Variants in ZMAT4 observed in about 807,000 individuals in gnomAD.
ZMAT4 encodes the protein zinc finger matrin-type protein 4.
ZMAT4 carries 17 observed loss-of-function variants against 28.7 expected under a neutral mutation model. The ratio of observed to expected loss-of-function variants is 0.59; its 90% CI spans 0.41 to 0.89. The LOEUF (loss-of-function observed/expected upper bound fraction) is 0.89. Among genes scored for constraint, ZMAT4 ranks in the 40% least tolerant of loss-of-function variants. The pLI is 0.00. For missense variants in ZMAT4, 240 were observed against 283.8 expected (o/e 0.85, Z 1.11); for synonymous variants, 117 against 109.2 (o/e 1.07, Z -0.44).
chr8:40,589,569 T>C (rs1446267795), intron 5 of ZMAT4, among the ~76,000 whole-genome samples: 1 of 152,290 alleles, frequency 6.6e-6, no homozygotes, highest in African/African-American at 2.4e-5. Context: ...CTTAAAGGTT[T>C]GAAGAAACCA....
chr8:40,781,427 G>A (rs976069073), intron 2 of ZMAT4, among the ~76,000 whole-genome samples: 4 of 152,072 alleles, frequency 2.6e-5, no homozygotes, highest in African/African-American at 4.8e-5. Flanking sequence ...GGGTGGTACC[G>A]GCATAAAGAT....
At chr8:40,743,637 C>G (rs1812102699) in intron 3 of ZMAT4, among the ~76,000 whole-genome samples, 1 of 152,222 alleles carries the variant, frequency 6.6e-6, no homozygotes, top group African/African-American at 2.4e-5. Context: ...TGGCTCCTCA[C>G]AGAGAGTTGG....
At chr8:40,613,555 C>A (rs1805884354) in intron 5 of ZMAT4, among the ~76,000 whole-genome samples, 1 of 152,082 alleles carries the variant, frequency 6.6e-6, no homozygotes, top group Non-Finnish European at 1.5e-5. Context: ...CTACTTTATT[C>A]AGGTTTGGAT....
chr8:40,848,351 T>C (rs1426617972), intron 1 of ZMAT4, among the ~76,000 whole-genome samples: 1 of 152,236 alleles, frequency 6.6e-6, no homozygotes, highest in Non-Finnish European at 1.5e-5. Context: ...ATTTTTAGTG[T>C]GATGATTCTC....
intron 6 of ZMAT4, among the ~76,000 whole-genome samples, chr8:40,552,024 T>C (rs1163139597): frequency 2.0e-5 from 3 of 152,180 alleles, no homozygotes; most frequent in African/African-American, 7.2e-5. Context: ...GCTCAACAAA[T>C]GCCGGCTGAA....
intron 2 of ZMAT4, among the ~76,000 whole-genome samples, chr8:40,789,325 T>A (rs1814228057): frequency 6.6e-6 from 1 of 152,180 alleles, no homozygotes; most frequent in African/African-American, 2.4e-5. Context: ...CCAAGATGAA[T>A]TAGGCAAACG....
intron 4 of ZMAT4, among the ~76,000 whole-genome samples, chr8:40,686,502 T>G (rs1252172874): frequency 6.6e-6 from 1 of 151,998 alleles, no homozygotes; most frequent in Non-Finnish European, 1.5e-5. Context: ...GGCATAGTGA[T>G]GCACGTCTGT....
chr8:40,640,815 C>T (rs558402229), intron 5 of ZMAT4, among the ~76,000 whole-genome samples: 23 of 151,688 alleles, frequency 1.5e-4, no homozygotes, highest in South Asian at 4.2e-4. Context: ...CAAAAATTAG[C>T]GGGCATGGTG....
In ZMAT4 at chr8:40,674,885, C is replaced by T. The variant is rs375393477; in HGVS notation, c.396G>A (p.Pro132=). 12 of 1,613,276 alleles carry T rather than the reference C, an allele frequency of 7.4e-6. No individual in the cohort carries two copies. Among genetic ancestry groups the T allele is most frequent in the African/African-American group, 5.3e-5 (4 of 74,876 alleles). Residue 132 remains proline, a synonymous_variant, in exon 5 of 7, where the codon CCG becomes CCA. Coordinates refer to ENST00000297737, the MANE Select transcript of ZMAT4 (RefSeq NM_024645.3). The part of the protein sequence containing the change: ...PLKPPRMDTA[P]VVASPYQRRD... Reference sequence around the variant, plus strand: ...TTCTTTGATAGGGAGATGCGACCACCGGAGCAGTGTCCATCCGTGGGGGCT... The same window carrying T: ...TTCTTTGATAGGGAGATGCGACCACTGGAGCAGTGTCCATCCGTGGGGGCT...
chr8:40,792,490 AG>A (rs775680138), intron 2 of ZMAT4, among the ~76,000 whole-genome samples: 4,431 of 21,602 alleles, frequency 0.21, 425 homozygotes, highest in East Asian at 0.51. Flanking sequence ...GAAGGAAGGA[AG>A]GAAGGAAGGA....
chr8:40,610,733 TA>T (rs552382578), intron 5 of ZMAT4, among the ~76,000 whole-genome samples: 3 of 149,750 alleles, frequency 2.0e-5, no homozygotes, highest in African/African-American at 4.9e-5. Flanking sequence ...CTTGAGACTG[TA>T]AAAAAAAAGA....
intron 4 of ZMAT4, among the ~76,000 whole-genome samples, chr8:40,689,253 C>A (rs1809554177): frequency 6.6e-6 from 1 of 152,234 alleles, no homozygotes; most frequent in Non-Finnish European, 1.5e-5. Context: ...TGGGTGAGAT[C>A]ATCAAGTAGC....
At chr8:40,699,882 T>C (rs1320828059) in intron 3 of ZMAT4, among the ~76,000 whole-genome samples, 1 of 152,224 alleles carries the variant, frequency 6.6e-6, no homozygotes, top group Non-Finnish European at 1.5e-5. Flanking sequence ...CCACTTCCAG[T>C]GAAAACTCCA....
intron 2 of ZMAT4, among the ~76,000 whole-genome samples, chr8:40,798,455 GA>G (rs1202244040): frequency 2.0e-5 from 3 of 152,192 alleles, no homozygotes; most frequent in African/African-American, 7.2e-5. Context: ...TATGAGAAAA[GA>G]CGTTGCTGAA....
intron 5 of ZMAT4, among the ~76,000 whole-genome samples, chr8:40,618,278 G>A (rs1342549291): frequency 6.6e-6 from 1 of 152,124 alleles, no homozygotes; most frequent in Non-Finnish European, 1.5e-5. Context: ...AACAACACGA[G>A]GCAGCCTGTT....
chr8:40,755,936 C>T (rs982468629), intron 3 of ZMAT4, among the ~76,000 whole-genome samples: 29 of 152,264 alleles, frequency 1.9e-4, no homozygotes, highest in Admixed American at 7.2e-4. Context: ...AATACTAAAT[C>T]GCATCTATTG....
chr8:40,729,597 C>CTTTCTTTTTT (rs377329831), intron 3 of ZMAT4, among the ~76,000 whole-genome samples: 1 of 142,402 alleles, frequency 7.0e-6, no homozygotes, highest in Non-Finnish European at 1.5e-5. Flanking sequence ...TTCTTTCTTT[C>CTTTCTTTTTT]TTTTTTTTTT....
intron 5 of ZMAT4, among the ~76,000 whole-genome samples, chr8:40,654,013 C>G (rs941179992): frequency 3.9e-5 from 6 of 152,158 alleles, no homozygotes; most frequent in African/African-American, 1.4e-4. Context: ...CAAAATCCAC[C>G]AGAACCAAAT....
intron 1 of ZMAT4, among the ~76,000 whole-genome samples, chr8:40,829,551 C>T (rs991620381): frequency 6.6e-6 from 1 of 152,120 alleles, no homozygotes; most frequent in Non-Finnish European, 1.5e-5. Context: ...TTTATTGATT[C>T]TATAATGGTT....
Sources: gnomAD v4.1 joint callset for allele counts (sites outside exome capture counted in the v4.1 genomes callset) on GRCh38, gnomAD v4.1.1 for gene constraint, MANE v1.5 for transcripts, NCBI Gene and HGNC (gene_info 2026-07-23, HGNC 2026-07-21) for gene names.